FRMD4A: variants seen among roughly 807,000 people sequenced by gnomAD.
The protein encoded by FRMD4A is FERM domain containing 4A.
Under a neutral mutation model 129.1 loss-of-function variants are expected in FRMD4A, and 29 were observed. The observed-to-expected ratio is 0.22, with a 90% CI of 0.17 to 0.31. The LOEUF (loss-of-function observed/expected upper bound fraction) is 0.31, where lower values mean the gene tolerates loss of function less well. Among genes scored for constraint, FRMD4A ranks in the 10% least tolerant of loss-of-function variants. The probability of loss-of-function intolerance (pLI) is 1.00; values close to 1 mark genes in which losing one functional copy is unlikely to be tolerated. For missense variants in FRMD4A, 1,272 were observed against 1,375.8 expected, an observed-to-expected ratio of 0.92 and a Z score of 1.19; for synonymous variants, 634 against 571.6, an observed-to-expected ratio of 1.11 and a Z score of -1.56.
intron 2 of FRMD4A, among the ~76,000 whole-genome samples, chr10:14,262,992 C>T (rs1439805026): frequency 6.6e-6 from 1 of 152,234 alleles, no homozygotes; most frequent in Non-Finnish European, 1.5e-5. Context: ...TCTGTCAGTG[C>T]AGGCGAGAGG....
intron 3 of FRMD4A, among the ~76,000 whole-genome samples, chr10:13,818,486 T>C (rs1467148018): frequency 1.3e-5 from 2 of 152,204 alleles, no homozygotes; most frequent in African/African-American, 4.8e-5. Flanking sequence ...CCTTATGTTA[T>C]TATTAAATTT....
At chr10:13,848,492 G>T (rs1209295385) in intron 3 of FRMD4A, among the ~76,000 whole-genome samples, 4 of 152,010 alleles carry the variant, frequency 2.6e-5, no homozygotes, top group African/African-American at 9.7e-5. Flanking sequence ...GGGGGGCAGG[G>T]GCGCAAAGAA....
chr10:14,055,578 A>G (rs931828780), intron 2 of FRMD4A, among the ~76,000 whole-genome samples: 1 of 152,200 alleles, frequency 6.6e-6, no homozygotes, highest in Non-Finnish European at 1.5e-5. Context: ...ATTCTGAACA[A>G]CTGAAAGGTT....
chr10:13,710,294 G>C (rs765250686), intron 12 of FRMD4A: 1 of 152,282 alleles, frequency 6.6e-6, no homozygotes, highest in South Asian at 2.1e-4. Flanking sequence ...GCTCCGAGGG[G>C]TTGTTTCCCT....
At chr10:13,707,194 G>A (rs139970136) in intron 12 of FRMD4A, 81 bp from the exon 13 acceptor site, 72 of 927,724 alleles carry the variant, frequency 7.8e-5, no homozygotes, top group African/African-American at 4.3e-4. Flanking sequence ...GTTAACTTTC[G>A]ACAGCTGGCA....
chr10:13,783,062 T>G, intron 5 of FRMD4A, 56 bp from the exon 6 acceptor site: 1 of 782,758 alleles, frequency 1.3e-6, no homozygotes, highest in Non-Finnish European at 2.4e-6. Flanking sequence ...GAAAATAAAG[T>G]GCTCTCTTGA....
At position 13,659,399 on chromosome 10, in the gene FRMD4A, G is replaced by A; in HGVS notation, c.1990C>T (p.His664Tyr). ...GGCATGCTGGACTGGGAGTTCCAGT[G>A]CGGGAGGCCGCGGATGGGGCTGTTC... ...LQNSPIRGLP[H>Y]WNSQSSMPST... The change falls in exon 21 of 25, where the codon CAC becomes TAC. Residue 664 changes from histidine to tyrosine, a missense_variant. By Grantham distance (83) the His-to-Tyr change is moderately conservative (BLOSUM62 2). Transcript: ENST00000357447. 6.2e-7 allele frequency: 1 copy of A among 1,613,986 alleles called. No individual in the cohort carries two copies. Among genetic ancestry groups the A allele is most frequent in the Non-Finnish European group, 8.5e-7 (1 of 1,179,864 alleles).
chr10:13,753,350 C>A (rs1225678448), intron 8 of FRMD4A, among the ~76,000 whole-genome samples: 1 of 152,102 alleles, frequency 6.6e-6, no homozygotes, highest in East Asian at 1.9e-4. Flanking sequence ...TGGGTCCCAT[C>A]TGTCTGAGAA....
At chr10:14,260,692 A>C (rs1844771537) in intron 2 of FRMD4A, among the ~76,000 whole-genome samples, 1 of 152,218 alleles carries the variant, frequency 6.6e-6, no homozygotes, top group Non-Finnish European at 1.5e-5. Context: ...AAATATTCAC[A>C]ACCACACAGC....
In FRMD4A at chr10:13,786,314, T is replaced by C. The variant is rs114600755; in HGVS notation, c.300-3308A>G. Among the ~76,000 whole-genome samples, 1,090 of 152,278 alleles carry C rather than the reference T, an allele frequency of 7.2e-3. 15 individuals are homozygous for C. The highest frequency in any genetic ancestry group is 0.025 in the African/African-American group (1,028 of 41,556). On this transcript the variant is annotated intron_variant, in intron 5 of 24. Coordinates refer to ENST00000357447, the MANE Select transcript of FRMD4A (RefSeq NM_018027.5). ...TCCTGACTTTTTAATGATTTGATTTTCAAAAAATAAATCTATATCGTAGCT... is the reference window on the plus strand; with the variant it reads ...TCCTGACTTTTTAATGATTTGATTTCCAAAAAATAAATCTATATCGTAGCT...
At chr10:14,156,418 A>G (rs1046157883) in intron 2 of FRMD4A, among the ~76,000 whole-genome samples, 3 of 152,206 alleles carry the variant, frequency 2.0e-5, no homozygotes, top group African/African-American at 7.2e-5. Flanking sequence ...TGATTCATAC[A>G]CTTAGATATC....
intron 15 of FRMD4A, among the ~76,000 whole-genome samples, chr10:13,689,549 C>CCT (rs1275198837): frequency 3.9e-5 from 5 of 128,634 alleles, no homozygotes; most frequent in African/African-American, 1.5e-4. Context: ...TTAGAAGATT[C>CCT]TTTTTTTTTT....
intron 2 of FRMD4A, among the ~76,000 whole-genome samples, chr10:13,947,966 G>A (rs1179333648): frequency 6.6e-6 from 1 of 151,922 alleles, no homozygotes; most frequent in African/African-American, 2.4e-5. Flanking sequence ...AGAGGCCAAG[G>A]TGGGAAGATC....
In FRMD4A at chr10:13,907,124, C is replaced by T. The variant is rs1205292668; in HGVS notation, c.46-48212G>A. The stretch of plus-strand genomic sequence containing the variant: ...AAATGATGGAGAACCCATTTCATTC[C>T]ATTTTTTAGGAGTTAGAACTAAAAT... On this transcript the variant is annotated intron_variant, in intron 2 of 24. Transcript: ENST00000357447. Among the ~76,000 whole-genome samples, 4 of 152,212 alleles carry T rather than the reference C, an allele frequency of 2.6e-5. No homozygotes were observed. The East Asian group carries it at 7.7e-4, about 29-fold the overall frequency.
intron 12 of FRMD4A, among the ~76,000 whole-genome samples, chr10:13,708,423 T>C (rs2087690695): frequency 6.6e-6 from 1 of 152,244 alleles, no homozygotes; most frequent in African/African-American, 2.4e-5. Flanking sequence ...CATTCTTTTA[T>C]CCTCACAATC....
At chr10:13,673,548 C>T (rs1407251139) in intron 16 of FRMD4A, among the ~76,000 whole-genome samples, 1 of 152,018 alleles carries the variant, frequency 6.6e-6, no homozygotes, top group Admixed American at 6.6e-5. Context: ...CCCCATTGTG[C>T]CCATGTGCAC....
In FRMD4A at chr10:14,143,454, A is replaced by C. The variant is rs567624100; in HGVS notation, c.45+186604T>G. Among the ~76,000 whole-genome samples, 23 of 152,344 alleles carry C rather than the reference A, an allele frequency of 1.5e-4. 1 individual carries two copies. In the South Asian group the frequency reaches 3.5e-3, roughly 23 times the overall value. On this transcript the variant is annotated intron_variant, in intron 2 of 24. Coordinates refer to ENST00000357447, the MANE Select transcript of FRMD4A (RefSeq NM_018027.5). ...TTACATTCATAGACACAGCAAGTTGAATGGTGGTTGGGGAGATGGAATTGG... is the reference window on the plus strand; with the variant it reads ...TTACATTCATAGACACAGCAAGTTGCATGGTGGTTGGGGAGATGGAATTGG...
intron 2 of FRMD4A, among the ~76,000 whole-genome samples, chr10:14,184,125 C>CTTTTT (rs58858936): frequency 1.8e-3 from 115 of 64,616 alleles, no homozygotes; most frequent in Non-Finnish European, 2.3e-3. Context: ...CTTTTCTTTT[C>CTTTTT]TTTTTTTTTT....
In FRMD4A at chr10:13,680,768, T is replaced by C. The variant is rs896514531; in HGVS notation, c.1118-5724A>G. 2.0e-5 allele frequency among the ~76,000 whole-genome samples: 3 copies of C among 151,552 alleles called. No homozygotes were observed. In the South Asian group the frequency reaches 6.3e-4, roughly 32 times the overall value. ...AAAAGTTTAAAAAAAGGATATAGGC[T>C]GGGCGCAGTGGCTCATACCTGTAAT... On this transcript the variant is annotated intron_variant, in intron 15 of 24. Coordinates refer to ENST00000357447, the MANE Select transcript of FRMD4A (RefSeq NM_018027.5).
Sources: gnomAD v4.1 joint callset for allele counts (sites outside exome capture counted in the v4.1 genomes callset) on GRCh38, gnomAD v4.1.1 for gene constraint, MANE v1.5 for transcripts, NCBI Gene and HGNC (gene_info 2026-07-23, HGNC 2026-07-21) for gene names.